Variants in PHF2 observed in about 807,000 individuals in gnomAD.
PHF2 encodes the protein PHD finger protein 2.
In PHF2, 27 loss-of-function variants were observed where a neutral mutation model predicts 120.5. The observed-to-expected ratio is 0.22, with a 90% CI of 0.17 to 0.31. PHF2 has a LOEUF of 0.31. Among genes scored for constraint, PHF2 ranks in the 10% least tolerant of loss-of-function variants. PHF2 has a pLI of 1.00. For missense variants in PHF2, 1,024 were observed against 1,434.8 expected (o/e 0.71, Z 4.63); for synonymous variants, 568 against 592.5 (o/e 0.96, Z 0.60).
At chr9:93,665,885 G>A in intron 15 of PHF2, 21 bp downstream of exon 15, 1 of 1,612,764 alleles carries the variant, frequency 6.2e-7, no homozygotes, top group Non-Finnish European at 8.5e-7. Flanking sequence ...AGGGGGTGTT[G>A]GGGGAGGGGT....
intron 6 of PHF2, among the ~76,000 whole-genome samples, chr9:93,654,152 C>T (rs187144531): frequency 9.2e-4 from 140 of 152,340 alleles, no homozygotes; most frequent in Non-Finnish European, 1.9e-3. Context: ...TATTTGCAGC[C>T]TGGGCACCCA....
At chr9:93,584,223 C>T (rs1235881655) in intron 1 of PHF2, among the ~76,000 whole-genome samples, 1 of 152,154 alleles carries the variant, frequency 6.6e-6, no homozygotes, top group African/African-American at 2.4e-5. Flanking sequence ...TACTGATGCA[C>T]AAAAGTTTTT....
chr9:93,635,054 T>C (rs976444859), intron 2 of PHF2, among the ~76,000 whole-genome samples: 6 of 152,232 alleles, frequency 3.9e-5, no homozygotes, highest in African/African-American at 1.4e-4. Flanking sequence ...CAAAACAGAT[T>C]TGAACCCTGT....
chr9:93,614,277 A>G (rs1295815566), intron 1 of PHF2, among the ~76,000 whole-genome samples: 2 of 152,236 alleles, frequency 1.3e-5, no homozygotes, highest in Non-Finnish European at 2.9e-5. Flanking sequence ...GGCATTTTCC[A>G]GATTCCTGGA....
chr9:93,592,716 C>T (rs1356540622), intron 1 of PHF2, among the ~76,000 whole-genome samples: 4 of 152,078 alleles, frequency 2.6e-5, no homozygotes, highest in Admixed American at 6.5e-5. Context: ...GCAGTTCATC[C>T]GGTGAGCCAG....
At chr9:93,657,232 G>A (rs1826477651) in intron 9 of PHF2, among the ~76,000 whole-genome samples, 1 of 152,196 alleles carries the variant, frequency 6.6e-6, no homozygotes, top group South Asian at 2.1e-4. Flanking sequence ...CGGTGTGGTT[G>A]CTCTTAGTTG....
intron 1 of PHF2, among the ~76,000 whole-genome samples, chr9:93,626,179 G>A (rs546508056): frequency 1.3e-5 from 2 of 152,174 alleles, no homozygotes; most frequent in Non-Finnish European, 2.9e-5. Context: ...GGAGGCAGAG[G>A]TTGCAGTGAG....
chr9:93,642,164 C>T (rs896578293), intron 3 of PHF2, among the ~76,000 whole-genome samples: 1 of 152,202 alleles, frequency 6.6e-6, no homozygotes, highest in African/African-American at 2.4e-5. Context: ...GACAGTACCA[C>T]CGTCTTGACT....
At chr9:93,648,951 C>T in intron 4 of PHF2, 120 bp from the exon 5 acceptor site, 2 of 1,142,502 alleles carry the variant, frequency 1.8e-6, no homozygotes, top group Non-Finnish European at 2.5e-6. Flanking sequence ...CATCCAGCCC[C>T]TGGCAGCTCC....
chr9:93,603,605 G>C (rs892485112), intron 1 of PHF2, among the ~76,000 whole-genome samples: 1 of 152,090 alleles, frequency 6.6e-6, no homozygotes, highest in Admixed American at 6.5e-5. Flanking sequence ...GACCTTATGG[G>C]GCCTGGGACA....
intron 1 of PHF2, among the ~76,000 whole-genome samples, chr9:93,624,781 AATG>A (rs975054838): frequency 1.2e-4 from 17 of 139,174 alleles, no homozygotes; most frequent in African/African-American, 8.1e-5. Flanking sequence ...TGATGATGAT[AATG>A]ATGGTGTGGC....
At chr9:93,664,129 G>A (rs138382540) in intron 14 of PHF2, among the ~76,000 whole-genome samples, 6 of 152,210 alleles carry the variant, frequency 3.9e-5, no homozygotes, top group Non-Finnish European at 5.9e-5. Context: ...TGCTGAGGAC[G>A]TGCATGGGGG....
chr9:93,641,165 A>C (rs1257117883), intron 3 of PHF2, among the ~76,000 whole-genome samples: 2 of 152,128 alleles, frequency 1.3e-5, no homozygotes, highest in African/African-American at 4.8e-5. Flanking sequence ...TGAGACAGGA[A>C]GGTTAGTGGG....
chr9:93,623,544 G>A (rs1722359819), intron 1 of PHF2, among the ~76,000 whole-genome samples: 1 of 152,170 alleles, frequency 6.6e-6, no homozygotes, highest in Non-Finnish European at 1.5e-5. Context: ...CTTCATGAAG[G>A]AAGAATATTA....
At position 93,673,784 on chromosome 9, in the gene PHF2, G is replaced by A; in HGVS notation, c.2548G>A (p.Ala850Thr). 6.2e-7 allele frequency: 1 copy of A among 1,613,310 alleles called. No individual in the cohort carries two copies. The highest frequency in any genetic ancestry group is 8.5e-7 in the Non-Finnish European group (1 of 1,179,646). Reference sequence around the variant, plus strand: ...AGGCAAACGACTGCTGAAGAGGGCTGCCAAGAACAGTGTCGACCTGGACGA... The same window carrying A: ...AGGCAAACGACTGCTGAAGAGGGCTACCAAGAACAGTGTCGACCTGGACGA... ...SAGKRLLKRAAKNSVDLDDYE... is the reference protein window; with the variant it reads ...SAGKRLLKRATKNSVDLDDYE... The change falls in exon 18 of 22, where the codon GCC becomes ACC. Residue 850 changes from alanine to threonine, a missense_variant. By Grantham distance (58) the Ala-to-Thr change is moderately conservative. This residue lies in a region of PHF2 where 677 missense variants were observed against 857.4 expected (regional missense o/e 0.79). Coordinates refer to ENST00000359246, the MANE Select transcript of PHF2 (RefSeq NM_005392.4).
At chr9:93,611,855 T>C (rs898312713) in intron 1 of PHF2, among the ~76,000 whole-genome samples, 10 of 152,178 alleles carry the variant, frequency 6.6e-5, no homozygotes, top group Non-Finnish European at 1.2e-4. Context: ...TGGGTAGCAA[T>C]ATATATACAT....
intron 1 of PHF2, among the ~76,000 whole-genome samples, chr9:93,583,586 TA>T (rs397712920): frequency 1.3e-5 from 2 of 152,050 alleles, no homozygotes; most frequent in African/African-American, 4.8e-5. Flanking sequence ...TTTTTTTTTT[TA>T]AATTAAAGCT....
chr9:93,654,542 G>C lies in PHF2; in HGVS notation c.919G>C (p.Val307Leu). Residue 307 changes from valine to leucine, a missense_variant, in exon 7 of 22, where the codon GTC (valine) becomes CTC (leucine). Physicochemically the swap from Val to Leu is conservative, Grantham distance 32. Coordinates refer to ENST00000359246, the MANE Select transcript of PHF2 (RefSeq NM_005392.4). ...GGTCGACAAATGCTACAAGTGCATC[G>C]TCAAGCAGGGCCAGACCCTCTTCAT... ...DQVDKCYKCI[V>L]KQGQTLFIPS... 1 of 1,613,986 alleles carries C rather than the reference G, an allele frequency of 6.2e-7. No individual in the cohort carries two copies. The highest frequency in any genetic ancestry group is 8.5e-7 in the Non-Finnish European group (1 of 1,180,020).
At chr9:93,676,187 G>A (rs1200633042) in intron 20 of PHF2, among the ~76,000 whole-genome samples, 1 of 152,168 alleles carries the variant, frequency 6.6e-6, no homozygotes, top group Non-Finnish European at 1.5e-5. Flanking sequence ...CCCACCTTTA[G>A]CTCCTCCCAG....
Sources: allele counts gnomAD v4.1 joint callset (sites outside exome capture counted in the v4.1 genomes callset), GRCh38; gene constraint gnomAD v4.1.1; regional missense constraint gnomAD v4.1.1; transcripts MANE v1.5; gene names NCBI Gene and HGNC (gene_info 2026-07-23, HGNC 2026-07-21).